PDE4B: variants seen among roughly 807,000 people sequenced by gnomAD.
The protein encoded by PDE4B is 3',5'-cyclic-AMP phosphodiesterase 4B.
A neutral mutation model predicts 82.2 loss-of-function variants in PDE4B; 20 were observed. That is an observed-to-expected ratio of 0.24 (90% CI 0.17 to 0.35). PDE4B has a LOEUF of 0.35. PDE4B is among the 10% of genes least tolerant of loss of function. PDE4B has a pLI of 1.00. For synonymous variants in PDE4B, 320 were observed against 318.9 expected (o/e 1.00, Z -0.04); for missense variants, 655 against 907.2 (o/e 0.72, Z 3.57).
intron 3 of PDE4B, among the ~76,000 whole-genome samples, chr1:66,029,012 G>A (rs999089596): frequency 6.6e-5 from 10 of 151,954 alleles, no homozygotes; most frequent in Non-Finnish European, 1.5e-4. Context: ...TTTCAGCAAC[G>A]CCCCACTCTA....
intron 7 of PDE4B, among the ~76,000 whole-genome samples, chr1:66,298,454 A>G (rs1405305803): frequency 6.6e-6 from 1 of 152,152 alleles, no homozygotes; most frequent in Non-Finnish European, 1.5e-5. Flanking sequence ...CAGATACTTC[A>G]TGGGTCTTTT....
chr1:66,235,514 C>T (rs968525425), intron 3 of PDE4B, among the ~76,000 whole-genome samples: 39 of 152,064 alleles, frequency 2.6e-4, no homozygotes, highest in Middle Eastern at 3.2e-3. Flanking sequence ...TATAGACATT[C>T]TAGATTTCTG....
chr1:65,915,226 C>T (rs1467158977), intron 2 of PDE4B, among the ~76,000 whole-genome samples: 3 of 152,082 alleles, frequency 2.0e-5, no homozygotes, highest in Non-Finnish European at 2.9e-5. Context: ...ATAGTAAGAG[C>T]GATAAAAATT....
chr1:65,827,299 A>C (rs1646030469), intron 1 of PDE4B, among the ~76,000 whole-genome samples: 1 of 152,180 alleles, frequency 6.6e-6, no homozygotes, highest in African/African-American at 2.4e-5. Flanking sequence ...AAAAGACACA[A>C]ATCAGAGCCC....
chr1:65,873,474 A>G (rs890544769), intron 1 of PDE4B, among the ~76,000 whole-genome samples: 1 of 152,226 alleles, frequency 6.6e-6, no homozygotes, highest in Non-Finnish European at 1.5e-5. Flanking sequence ...ATGTAGATAT[A>G]AAGTGTGAGA....
chr1:65,846,812 T>C (rs72933432), intron 1 of PDE4B, among the ~76,000 whole-genome samples: 1 of 152,238 alleles, frequency 6.6e-6, no homozygotes, highest in Non-Finnish European at 1.5e-5. Context: ...AGTGTTTTTA[T>C]CATAAATTTG....
intron 7 of PDE4B, among the ~76,000 whole-genome samples, chr1:66,314,925 A>G (rs745575937): frequency 1.3e-5 from 2 of 152,086 alleles, no homozygotes; most frequent in Non-Finnish European, 2.9e-5. Context: ...TGATGATCCA[A>G]CTGCAGTCCA....
chr1:66,128,261 C>T (rs1003419768), intron 3 of PDE4B, among the ~76,000 whole-genome samples: 2 of 152,068 alleles, frequency 1.3e-5, no homozygotes, highest in Non-Finnish European at 1.5e-5. Context: ...AGGGAGATAC[C>T]GTGTCATAAA....
At chr1:65,941,563 T>TA (rs1449665534) in intron 3 of PDE4B, among the ~76,000 whole-genome samples, 1 of 151,760 alleles carries the variant, frequency 6.6e-6, no homozygotes, top group African/African-American at 2.4e-5. Context: ...CCTCATGAAA[T>TA]AGAGTTACTG....
At chr1:66,267,834 C>T (rs147970145) in intron 7 of PDE4B, among the ~76,000 whole-genome samples, 1 of 152,286 alleles carries the variant, frequency 6.6e-6, no homozygotes, top group Admixed American at 6.5e-5. Context: ...ACACACATCC[C>T]TTGTTTTGTT....
chr1:66,068,555 A>G (rs981049689), intron 3 of PDE4B, among the ~76,000 whole-genome samples: 1 of 151,964 alleles, frequency 6.6e-6, no homozygotes, highest in Non-Finnish European at 1.5e-5. Context: ...CTATCTTATA[A>G]TCAAGTCATA....
At chr1:66,204,836 G>T (rs1240727786) in intron 3 of PDE4B, among the ~76,000 whole-genome samples, 2 of 152,164 alleles carry the variant, frequency 1.3e-5, no homozygotes, top group Non-Finnish European at 2.9e-5. Context: ...CTCGCTCACG[G>T]TGTGCTGCAC....
rs566178031 is a variant in PDE4B at position 66,316,121 on chromosome 1, G to A, written c.635-16387G>A. On this transcript the variant is annotated intron_variant, in intron 7 of 16. Coordinates refer to ENST00000341517, the MANE Select transcript of PDE4B (RefSeq NM_002600.4). Reference sequence around the variant, plus strand: ...TTCATTCATTCAATAAGTTCAATCAGTGAGTAAATTCAATTTAGTAAATGA... The same window carrying A: ...TTCATTCATTCAATAAGTTCAATCAATGAGTAAATTCAATTTAGTAAATGA... Among the ~76,000 whole-genome samples the A allele has an allele frequency of 5.9e-5, 9 of 152,324 alleles. No individual in the cohort carries two copies. The South Asian group carries it at 1.2e-3, about 21-fold the overall frequency.
At chr1:65,875,185 A>C (rs1646625003) in intron 1 of PDE4B, among the ~76,000 whole-genome samples, 1 of 152,070 alleles carries the variant, frequency 6.6e-6, no homozygotes, top group Non-Finnish European at 1.5e-5. Flanking sequence ...ATGCAGCCAA[A>C]AAACACATGA....
chr1:66,207,203 T>C (rs1252875312), intron 3 of PDE4B, among the ~76,000 whole-genome samples: 1 of 152,218 alleles, frequency 6.6e-6, no homozygotes, highest in East Asian at 1.9e-4. Flanking sequence ...TCATGCTGTT[T>C]CTTTATCTAT....
intron 3 of PDE4B, among the ~76,000 whole-genome samples, chr1:66,068,158 A>G (rs1162814046): frequency 4.0e-5 from 6 of 151,840 alleles, no homozygotes; most frequent in Non-Finnish European, 8.8e-5. Context: ...AGCTATATGT[A>G]TAATTGTTCT....
At chr1:66,158,076 A>G (rs1646536562) in intron 3 of PDE4B, among the ~76,000 whole-genome samples, 2 of 152,322 alleles carry the variant, frequency 1.3e-5, no homozygotes, top group Non-Finnish European at 2.9e-5. Flanking sequence ...GAAGCATTTC[A>G]CACTAATATT....
chr1:65,838,491 G>A (rs935870349), intron 1 of PDE4B, among the ~76,000 whole-genome samples: 2 of 146,792 alleles, frequency 1.4e-5, no homozygotes, highest in African/African-American at 2.5e-5. Context: ...ATACGTATAT[G>A]TATATATATA....
intron 3 of PDE4B, among the ~76,000 whole-genome samples, chr1:66,021,119 G>C (rs1653081699): frequency 6.6e-6 from 1 of 152,184 alleles, no homozygotes; most frequent in South Asian, 2.1e-4. Context: ...GTCTTCTTTT[G>C]AGAATTGTCT....
Sources: allele counts gnomAD v4.1 joint callset (sites outside exome capture counted in the v4.1 genomes callset), GRCh38; gene constraint gnomAD v4.1.1; transcripts MANE v1.5; gene names NCBI Gene and HGNC (gene_info 2026-07-23, HGNC 2026-07-21).